Variants in MAGI1 observed in about 807,000 individuals in gnomAD.
MAGI1 encodes the protein membrane associated guanylate kinase, WW and PDZ domain containing 1.
In MAGI1, 58 loss-of-function variants were observed where a neutral mutation model predicts 139.9. The observed-to-expected ratio is 0.41, with a 90% CI of 0.34 to 0.52. The LOEUF (loss-of-function observed/expected upper bound fraction) is 0.52. Among genes scored for constraint, MAGI1 ranks in the 20% least tolerant of loss-of-function variants. The pLI, the probability that MAGI1 is intolerant of heterozygous loss-of-function variation, is 0.12. For missense variants in MAGI1, 1,874 were observed against 1,901.6 expected, an observed-to-expected ratio of 0.99 and a Z score of 0.27; for synonymous variants, 812 against 737.9, an observed-to-expected ratio of 1.10 and a Z score of -1.63.
Position 65,356,434 on chromosome 3 carries a change from G to A in MAGI1, c.4333C>T (p.Pro1445Ser), listed in dbSNP as rs767559877. 3 of 1,610,154 alleles carry A rather than the reference G, an allele frequency of 1.9e-6. No individual in the cohort carries two copies. Among genetic ancestry groups the A allele is most frequent in the East Asian group, 2.2e-5 (1 of 44,752 alleles). ...TAAGGTCGCCTTCTCTGCTCCGGGGGATGTCTGGAACTTCTGCCGGCATCC... is the reference window on the plus strand; with the variant it reads ...TAAGGTCGCCTTCTCTGCTCCGGGGAATGTCTGGAACTTCTGCCGGCATCC... ...KQDAGRSSRHPPEQRRRPYKE... is the reference protein window; with the variant it reads ...KQDAGRSSRHSPEQRRRPYKE... The change falls in exon 23 of 23, where the codon CCC becomes TCC. Residue 1445 changes from proline (P) to serine (S), a missense_variant. Coordinates refer to ENST00000402939, the MANE Select transcript of MAGI1 (RefSeq NM_001033057.2).
At chr3:65,896,688 A>G (rs2060983789) in intron 1 of MAGI1, among the ~76,000 whole-genome samples, 1 of 152,200 alleles carries the variant, frequency 6.6e-6, no homozygotes, top group South Asian at 2.1e-4. Flanking sequence ...CAAACAAACA[A>G]ACAAACTGGA....
At chr3:65,934,764 TGTTG>T (rs1261307947) in intron 1 of MAGI1, among the ~76,000 whole-genome samples, 1 of 151,106 alleles carries the variant, frequency 6.6e-6, no homozygotes, top group Admixed American at 6.6e-5. Context: ...AAGAAAAAGT[TGTTG>T]TTTTTTTTTT....
At position 66,027,270 on chromosome 3, in the gene MAGI1, AAAT is replaced by A. The variant is rs1559507949; in HGVS notation, c.313+10723_313+10725del. On this transcript the variant is annotated intron_variant, in intron 1 of 22. Transcript: ENST00000402939. ...GTGACAATGAGACTCCGTCTCAAAT[AAAT>A]AAATAAATAAATAAATAAATAAATA... Among the ~76,000 whole-genome samples, 1,020 of 137,436 alleles carry A rather than the reference AAAT, an allele frequency of 7.4e-3. 11 individuals carry two copies. The highest frequency in any genetic ancestry group is 0.011 in the Non-Finnish European group (668 of 61,788). The allele number at this position is 137,436 out of a possible 152,430, so 90.2% of individuals were successfully genotyped here. A position where few individuals can be genotyped will look rare whatever the true frequency, so the allele number is the denominator to read the frequency against.
chr3:65,550,140 G>T (rs1296588898), intron 2 of MAGI1, among the ~76,000 whole-genome samples: 2 of 152,102 alleles, frequency 1.3e-5, no homozygotes, highest in African/African-American at 2.4e-5. Context: ...CTGCATTCAA[G>T]GGCCCTTAAG....
At chr3:65,614,210 G>A (rs772709901) in intron 2 of MAGI1, among the ~76,000 whole-genome samples, 5 of 152,196 alleles carry the variant, frequency 3.3e-5, no homozygotes, top group Admixed American at 1.3e-4. Flanking sequence ...GAGTCCAAGT[G>A]TACTATGCTG....
At chr3:65,723,205 TAGGAGTGAA>T (rs1331707652) in intron 1 of MAGI1, among the ~76,000 whole-genome samples, 2 of 152,174 alleles carry the variant, frequency 1.3e-5, no homozygotes, top group Non-Finnish European at 2.9e-5. Context: ...AGAGTGCAGC[TAGGAGTGAA>T]ACCCCTTGTG....
chr3:66,024,521 A>G (rs1353390519), intron 1 of MAGI1, among the ~76,000 whole-genome samples: 1 of 150,722 alleles, frequency 6.6e-6, no homozygotes, highest in Non-Finnish European at 1.5e-5. Flanking sequence ...ACTACTCAGT[A>G]TCCAGCCGGG....
intron 1 of MAGI1, among the ~76,000 whole-genome samples, chr3:65,974,373 G>A (rs1209112666): frequency 3.3e-5 from 4 of 122,626 alleles, no homozygotes; most frequent in African/African-American, 9.3e-5. Flanking sequence ...ATGGGTGGGC[G>A]GGTGGGCGGG....
At chr3:65,543,145 T>C (rs543824946) in intron 2 of MAGI1, among the ~76,000 whole-genome samples, 17 of 151,248 alleles carry the variant, frequency 1.1e-4, no homozygotes, top group African/African-American at 4.1e-4. Flanking sequence ...CCAAGAAACA[T>C]GAAAAAAAGC....
At chr3:65,497,345 C>T (rs1952530576) in intron 2 of MAGI1, among the ~76,000 whole-genome samples, 2 of 152,038 alleles carry the variant, frequency 1.3e-5, no homozygotes, top group African/African-American at 4.8e-5. Flanking sequence ...CAGCAGTAGC[C>T]AGCAAGATAG....
At chr3:65,646,786 A>G (rs144332499) in intron 1 of MAGI1, among the ~76,000 whole-genome samples, 1 of 152,300 alleles carries the variant, frequency 6.6e-6, no homozygotes, top group East Asian at 1.9e-4. Context: ...CACACTTGTT[A>G]AAACAAAACT....
chr3:66,016,811 A>T (rs896653582), intron 1 of MAGI1, among the ~76,000 whole-genome samples: 5 of 152,208 alleles, frequency 3.3e-5, no homozygotes, highest in African/African-American at 1.2e-4. Context: ...TATTATTCAG[A>T]CTTTAGAAGG....
At chr3:65,964,091 C>T (rs966089866) in intron 1 of MAGI1, among the ~76,000 whole-genome samples, 5 of 152,144 alleles carry the variant, frequency 3.3e-5, no homozygotes, top group Non-Finnish European at 7.3e-5. Flanking sequence ...CTTTGAGCCA[C>T]CATCCTGAAG....
intron 1 of MAGI1, among the ~76,000 whole-genome samples, chr3:65,795,266 A>G (rs2040049071): frequency 1.3e-5 from 2 of 152,226 alleles, no homozygotes; most frequent in Admixed American, 6.5e-5. Context: ...GTAATAGCCA[A>G]AACTACCATC....
intron 2 of MAGI1, among the ~76,000 whole-genome samples, chr3:65,555,759 G>A (rs1020403292): frequency 6.6e-6 from 1 of 152,178 alleles, no homozygotes; most frequent in Non-Finnish European, 1.5e-5. Flanking sequence ...TTGTGAGGCT[G>A]AGGCAGGAGA....
chr3:65,428,337 T>C lies in MAGI1; in HGVS notation c.2167+1183A>G, dbSNP rs562282145. 3.3e-5 allele frequency among the ~76,000 whole-genome samples: 5 copies of C among 152,172 alleles called. No individual in the cohort carries two copies. In the East Asian group the frequency reaches 9.7e-4, roughly 29 times the overall value. ...TCAGTCACGACTAATCACATATAAG[T>C]ATATATTCCAGGAGCAAGACACTTC... On this transcript the variant is annotated intron_variant, in intron 12 of 22. Transcript: ENST00000402939.
intron 5 of MAGI1, among the ~76,000 whole-genome samples, chr3:65,465,455 G>A (rs918185124): frequency 5.9e-5 from 9 of 151,420 alleles, no homozygotes; most frequent in Admixed American, 2.6e-4. Flanking sequence ...GTTTTCTTTC[G>A]TCTAAGAATA....
At chr3:65,794,590 CCTAGCCAATGTCAGCCTCAGGAGCCCCCT>C (rs1242382371) in intron 1 of MAGI1, among the ~76,000 whole-genome samples, 1 of 152,078 alleles carries the variant, frequency 6.6e-6, no homozygotes, top group African/African-American at 2.4e-5. Context: ...ACCTTTCTGG[CCTAGCCAATGTCAGCCTCAGGAGCCCCCT>C]CTGCTGTGTA....
At chr3:66,022,518 T>C (rs542570507) in intron 1 of MAGI1, among the ~76,000 whole-genome samples, 8 of 152,330 alleles carry the variant, frequency 5.3e-5, no homozygotes, top group South Asian at 2.1e-4. Context: ...TAGATTCAAA[T>C]AGGCAGAAGC....
Sources: allele counts gnomAD v4.1 joint callset (sites outside exome capture counted in the v4.1 genomes callset), GRCh38; gene constraint gnomAD v4.1.1; transcripts MANE v1.5; gene names NCBI Gene and HGNC (gene_info 2026-07-23, HGNC 2026-07-21).